The following MRRF variants were observed in gnomAD, a reference collection of about 807,000 sequenced individuals.
MRRF encodes the protein ribosome-recycling factor, mitochondrial.
MRRF carries 18 observed loss-of-function variants against 25.1 expected under a neutral mutation model. The ratio of observed to expected loss-of-function variants is 0.72; its 90% CI spans 0.50 to 1.06. The LOEUF is 1.06. Among genes scored for constraint, MRRF ranks in the 50% least tolerant of loss-of-function variants. The pLI, the probability that MRRF is intolerant of heterozygous loss-of-function variation, is 0.00. For missense variants in MRRF, 323 were observed against 319.3 expected, an observed-to-expected ratio of 1.01 and a Z score of -0.09; for synonymous variants, 113 against 112.1, an observed-to-expected ratio of 1.01 and a Z score of -0.05.
chr9:122,309,326 A>G (rs1478502652), intron 5 of MRRF, among the ~76,000 whole-genome samples: 1 of 152,236 alleles, frequency 6.6e-6, no homozygotes, highest in East Asian at 1.9e-4. Context: ...AGACCTACTA[A>G]GACATTGAAG....
Position 122,325,399 on chromosome 9 carries a change from G to T in MRRF, c.*2782G>T, listed in dbSNP as rs375389032. On this transcript the variant is annotated 3_prime_UTR_variant, in exon 7 of 7. Transcript: ENST00000344641. ...GTGACTCTGTGTCAGGGCTGTAGTGGTGACAGGGACAAGAATGAGACTACC... is the reference window on the plus strand; with the variant it reads ...GTGACTCTGTGTCAGGGCTGTAGTGTTGACAGGGACAAGAATGAGACTACC... The T allele has an allele frequency of 6.6e-6, 1 of 152,338 alleles. No individual in the cohort carries two copies. Among genetic ancestry groups the T allele is most frequent in the East Asian group, 1.9e-4 (1 of 5,184 alleles). 9.4% of individuals were successfully genotyped at this position (152,338 alleles called of 1,614,324 possible). A position where few individuals can be genotyped will look rare whatever the true frequency, so the allele number is the denominator to read the frequency against.
chr9:122,298,242 TTTAA>T (rs1834218110), intron 5 of MRRF, among the ~76,000 whole-genome samples: 1 of 152,214 alleles, frequency 6.6e-6, no homozygotes, highest in Admixed American at 6.5e-5. Flanking sequence ...CATTTTTAAG[TTTAA>T]TTATATAATA....
At chr9:122,285,313 C>T (rs1424769786) in intron 4 of MRRF, 26 bp downstream of exon 4, 1 of 1,355,686 alleles carries the variant, frequency 7.4e-7, no homozygotes, top group South Asian at 1.2e-5. Flanking sequence ...TAAAATCTCT[C>T]TCCGTGGTCT....
At chr9:122,314,835 A>G (rs1835415125) in intron 6 of MRRF, among the ~76,000 whole-genome samples, 1 of 152,146 alleles carries the variant, frequency 6.6e-6, no homozygotes, top group Non-Finnish European at 1.5e-5. Flanking sequence ...AGATGTGGAG[A>G]TAGAATTAGT....
At chr9:122,294,043 AATAG>A (rs1450040003) in intron 5 of MRRF, among the ~76,000 whole-genome samples, 6 of 152,246 alleles carry the variant, frequency 3.9e-5, no homozygotes, top group African/African-American at 9.6e-5. Context: ...TTACAAGAGT[AATAG>A]ATAGTAGTCA....
chr9:122,313,356 A>G lies in MRRF; in HGVS notation c.681A>G (p.Ser227=), dbSNP rs760104543. The G allele has an allele frequency of 6.8e-6, 11 of 1,613,604 alleles. No individual in the cohort carries two copies. The highest frequency in any genetic ancestry group is 1.6e-4 in the Middle Eastern group (1 of 6,084). Residue 227 remains serine (S), a synonymous_variant, in exon 6 of 7, where the codon TCA becomes TCG. Transcript: ENST00000344641. The stretch of plus-strand genomic sequence containing the variant: ...TGAAGAAATCCAAGGATACAGTCTC[A>G]GAGGACACCATTAGGCTAATAGAGA... ...NKLKKSKDTV[S]EDTIRLIEKQ...
At position 122,307,593 on chromosome 9, in the gene MRRF, A is replaced by G. The variant is rs148393364; in HGVS notation, c.552-5634A>G. Among the ~76,000 whole-genome samples the G allele has an allele frequency of 6.4e-3, 977 of 152,336 alleles. 14 individuals are homozygous for G. Among genetic ancestry groups the G allele is most frequent in the African/African-American group, 0.023 (949 of 41,574 alleles). ...TTTGTTGAGCTCTTACAATGCATAC[A>G]TATTGACAGCACGCCAAGTACTTAT... is the stretch of plus-strand genomic sequence containing the variant. On this transcript the variant is annotated intron_variant, in intron 5 of 6. Transcript: ENST00000344641.
At chr9:122,311,814 T>G (rs1835222644) in intron 5 of MRRF, among the ~76,000 whole-genome samples, 1 of 152,216 alleles carries the variant, frequency 6.6e-6, no homozygotes, top group South Asian at 2.1e-4. Flanking sequence ...AAGACTTAGA[T>G]TCATTTATTT....
intron 1 of MRRF, 95 bp downstream of exon 1, chr9:122,265,033 T>C (rs1490119693): frequency 6.6e-6 from 1 of 151,596 alleles, no homozygotes; most frequent in Non-Finnish European, 1.5e-5. Flanking sequence ...GGGACCAGAC[T>C]ACCGTCCCCG....
At chr9:122,276,278 A>G (rs1466393134) in intron 2 of MRRF, among the ~76,000 whole-genome samples, 1 of 151,938 alleles carries the variant, frequency 6.6e-6, no homozygotes, top group Non-Finnish European at 1.5e-5. Flanking sequence ...ACAACTTTAA[A>G]TGCTTCCTAT....
intron 5 of MRRF, among the ~76,000 whole-genome samples, chr9:122,300,213 G>A (rs1645842845): frequency 6.6e-6 from 1 of 152,168 alleles, no homozygotes; most frequent in Admixed American, 6.5e-5. Flanking sequence ...GTCATTGACT[G>A]GGAGAAGCAC....
intron 1 of MRRF, chr9:122,265,491 A>G (rs1832009148): frequency 2.9e-6 from 1 of 340,678 alleles, no homozygotes; most frequent in Admixed American, 4.0e-5. Context: ...AGTTTGACCG[A>G]TTTAAGGTCA....
Position 122,328,657 on chromosome 9 carries a change from ATATGT to A in MRRF, c.*6042_*6046del. 6.6e-6 allele frequency: 1 copy of A among 152,310 alleles called. No individual in the cohort carries two copies. The highest frequency in any genetic ancestry group is 1.5e-5 in the Non-Finnish European group (1 of 68,036). The allele number at this position is 152,310 out of a possible 1,614,324, so 9.4% of individuals were successfully genotyped here. On this transcript the variant is annotated 3_prime_UTR_variant, in exon 7 of 7. Transcript: ENST00000344641. ...TCATTTACATTTATTTATAATAGTG[ATATGT>A]TTAGTAGAACCCATTTACTTTTTCT...
chr9:122,328,168 T>G lies in MRRF; in HGVS notation c.*5551T>G, dbSNP rs1372364859. 1 of 152,192 alleles carries G rather than the reference T, an allele frequency of 6.6e-6. No individual in the cohort carries two copies. Among genetic ancestry groups the G allele is most frequent in the Non-Finnish European group, 1.5e-5 (1 of 68,032 alleles). The allele number at this position is 152,192 out of a possible 1,614,324, so 9.4% of individuals were successfully genotyped here. On this transcript the variant is annotated 3_prime_UTR_variant, in exon 7 of 7. Transcript: ENST00000344641. ...TAAAATTATTTGTAGAGACAAGGTCTTGGCTATGTTGCCCAGGCTGATCTC... is the reference window on the plus strand; with the variant it reads ...TAAAATTATTTGTAGAGACAAGGTCGTGGCTATGTTGCCCAGGCTGATCTC...
chr9:122,267,618 C>G (rs555792030), intron 1 of MRRF, among the ~76,000 whole-genome samples: 1 of 152,056 alleles, frequency 6.6e-6, no homozygotes, highest in Non-Finnish European at 1.5e-5. Context: ...GCTGAGTGTT[C>G]TATATGCATT....
intron 6 of MRRF, among the ~76,000 whole-genome samples, chr9:122,319,874 ATTT>A (rs975991164): frequency 1.5e-5 from 2 of 129,984 alleles, no homozygotes; most frequent in African/African-American, 3.0e-5. Flanking sequence ...ATTTTCATTA[ATTT>A]TTTTTTTTTT....
At chr9:122,314,059 A>G (rs1282304773) in intron 6 of MRRF, among the ~76,000 whole-genome samples, 2 of 152,206 alleles carry the variant, frequency 1.3e-5, no homozygotes, top group East Asian at 1.9e-4. Context: ...GAACGTTAAC[A>G]TGTACAGACT....
intron 5 of MRRF, among the ~76,000 whole-genome samples, chr9:122,307,872 C>G (rs1834952420): frequency 6.6e-6 from 1 of 152,174 alleles, no homozygotes; most frequent in Non-Finnish European, 1.5e-5. Context: ...AACTTTTTTG[C>G]TGTCATTACC....
chr9:122,300,601 G>A (rs1588057115), intron 5 of MRRF, among the ~76,000 whole-genome samples: 1 of 152,260 alleles, frequency 6.6e-6, no homozygotes, highest in East Asian at 1.9e-4. Context: ...TTATTTGGGA[G>A]TAAAACTAAT....
Sources: gnomAD v4.1 joint callset for allele counts (sites outside exome capture counted in the v4.1 genomes callset) on GRCh38, gnomAD v4.1.1 for gene constraint, MANE v1.5 for transcripts, NCBI Gene and HGNC (gene_info 2026-07-23, HGNC 2026-07-21) for gene names.